IQSEC1: variants seen among roughly 807,000 people sequenced by gnomAD.
The protein encoded by IQSEC1 is IQ motif and SEC7 domain-containing protein 1.
A neutral mutation model predicts 91.0 loss-of-function variants in IQSEC1; 31 were observed. The ratio of observed to expected loss-of-function variants is 0.34; its 90% confidence interval spans 0.26 to 0.46. IQSEC1 has a LOEUF of 0.46. IQSEC1 is among the 20% of genes least tolerant of loss of function. IQSEC1 has a pLI of 1.00. For missense variants in IQSEC1, 1,388 were observed against 1,575.6 expected (o/e 0.88, Z 2.02); for synonymous variants, 699 against 662.6 (o/e 1.05, Z -0.84).
chr3:12,936,042 G>A lies in IQSEC1; in HGVS notation c.974C>T (p.Ala325Val), dbSNP rs1203770698. Residue 325 changes from alanine to valine, a missense_variant, in exon 3 of 14, where the codon GCA (alanine) becomes GTA (valine). Coordinates refer to ENST00000613206, the MANE Select transcript of IQSEC1 (RefSeq NM_001134382.3). ...GGCCAGGGCCCAGTAGTCTGGGGCT[G>A]CGCCCCCAGCCCGTAGCCGCAGGTC... ...ESDLRLRAGG[A>V]APDYWALAHK... 6.2e-7 allele frequency: 1 copy of A among 1,603,602 alleles called. No homozygotes were observed. The highest frequency in any genetic ancestry group is 1.1e-5 in the South Asian group (1 of 91,066).
Position 12,936,061 on chromosome 3 carries a change from G to C in IQSEC1, c.955C>G (p.Arg319Gly). ...GGGGCTGCGCCCCCAGCCCGTAGCC[G>C]CAGGTCCGACTCGGTGCTGGACGGC... The part of the protein sequence containing the change: ...DRPSSTESDL[R>G]LRAGGAAPDY... The change falls in exon 3 of 14, where the codon CGG (arginine) becomes GGG (glycine). Residue 319 changes from arginine to glycine, a missense_variant. Arg to Gly is a moderately radical substitution (Grantham distance 125). This residue lies in a region of IQSEC1 where 1,059 missense variants were observed against 1,317.8 expected (regional missense o/e 0.80). Coordinates refer to ENST00000613206, the MANE Select transcript of IQSEC1 (RefSeq NM_001134382.3). 1 of 1,606,846 alleles carries C rather than the reference G, an allele frequency of 6.2e-7. No individual in the cohort carries two copies. Among genetic ancestry groups the C allele is most frequent in the South Asian group, 1.1e-5 (1 of 91,064 alleles).
chr3:12,989,483 A>C (rs1454262027), intron 1 of IQSEC1, among the ~76,000 whole-genome samples: 2 of 152,212 alleles, frequency 1.3e-5, no homozygotes, highest in African/African-American at 2.4e-5. Flanking sequence ...AAAGAGGAGA[A>C]AACAGGGAGG....
At chr3:13,204,766 T>C (rs1323616330) in intron 1 of IQSEC1, among the ~76,000 whole-genome samples, 1 of 151,740 alleles carries the variant, frequency 6.6e-6, no homozygotes, top group Non-Finnish European at 1.5e-5. Flanking sequence ...TCCTTCCTTC[T>C]TTCTTTTTCT....
intron 2 of IQSEC1, among the ~76,000 whole-genome samples, chr3:13,102,781 A>C (rs1706086273): frequency 6.6e-6 from 1 of 151,894 alleles, no homozygotes; most frequent in Non-Finnish European, 1.5e-5. Flanking sequence ...CTTGCTTGCC[A>C]CTAAAATGTA....
chr3:12,997,362 G>A (rs879037560), intron 1 of IQSEC1, among the ~76,000 whole-genome samples: 11 of 152,176 alleles, frequency 7.2e-5, no homozygotes, highest in African/African-American at 2.7e-4. Context: ...TATGTGAGGC[G>A]CTTTTACTTT....
chr3:13,152,444 T>C (rs181168711), intron 2 of IQSEC1, among the ~76,000 whole-genome samples: 143 of 152,352 alleles, frequency 9.4e-4, no homozygotes, highest in African/African-American at 3.3e-3. Context: ...ACCATGGAGC[T>C]CTCTGAGACA....
intron 1 of IQSEC1, among the ~76,000 whole-genome samples, chr3:13,241,407 T>C (rs897168171): frequency 1.4e-4 from 21 of 152,144 alleles, no homozygotes; most frequent in Non-Finnish European, 2.9e-4. Flanking sequence ...CAATTTTCCT[T>C]CTCCATTTTC....
At chr3:13,245,214 A>T (rs1336729396) in intron 1 of IQSEC1, among the ~76,000 whole-genome samples, 1 of 152,184 alleles carries the variant, frequency 6.6e-6, no homozygotes, top group African/African-American at 2.4e-5. Context: ...CCATGAAGCC[A>T]CGAAGCCACG....
intron 1 of IQSEC1, among the ~76,000 whole-genome samples, chr3:13,249,531 T>C (rs930864118): frequency 1.3e-5 from 2 of 152,196 alleles, no homozygotes; most frequent in Admixed American, 6.5e-5. Flanking sequence ...ATTCTATTTC[T>C]ATCCCTCAGT....
intron 1 of IQSEC1, among the ~76,000 whole-genome samples, chr3:13,257,428 G>C (rs1022099218): frequency 6.6e-6 from 1 of 152,164 alleles, no homozygotes. Context: ...ACCTCGCTAG[G>C]CTCCCTCACA....
intron 2 of IQSEC1, among the ~76,000 whole-genome samples, chr3:13,159,184 C>G (rs1372404135): frequency 6.6e-6 from 1 of 152,126 alleles, no homozygotes; most frequent in Admixed American, 6.6e-5. Context: ...AATCCCAACA[C>G]TTTGGGAGGT....
chr3:13,044,088 G>A (rs1340936924), intron 1 of IQSEC1, among the ~76,000 whole-genome samples: 2 of 152,196 alleles, frequency 1.3e-5, no homozygotes, highest in Admixed American at 6.5e-5. Context: ...CTGGGAACCA[G>A]AGGCCTGATC....
At chr3:12,993,900 C>T (rs916683949) in intron 1 of IQSEC1, among the ~76,000 whole-genome samples, 2 of 152,116 alleles carry the variant, frequency 1.3e-5, no homozygotes, top group African/African-American at 4.8e-5. Context: ...CCGCCGCGAT[C>T]CCCGCGCGCC....
intron 1 of IQSEC1, among the ~76,000 whole-genome samples, chr3:13,249,212 C>T (rs1695154853): frequency 6.9e-6 from 1 of 144,122 alleles, no homozygotes; most frequent in African/African-American, 2.6e-5. Context: ...TGCTCTGTCA[C>T]CCAGGCTGGA....
At position 12,935,112 on chromosome 3, in the gene IQSEC1, C is replaced by T. The variant is rs1457513963; in HGVS notation, c.1568+336G>A. Among the ~76,000 whole-genome samples, 2 of 152,202 alleles carry T rather than the reference C, an allele frequency of 1.3e-5. No individual in the cohort carries two copies. Among genetic ancestry groups the T allele is most frequent in the Admixed American group, 6.5e-5 (1 of 15,286 alleles). ...CCCCTAGGCCTGACATCCAAAGTTG[C>T]GCAGGGCATGGCCCAACATACCCCA... On this transcript the variant is annotated intron_variant, in intron 3 of 13. Transcript: ENST00000613206. This position sits in a 1 kb window ranked among gnomAD's most constrained non-coding sequence, Gnocchi z 8.0.
At chr3:12,918,368 G>A (rs1334999004) in intron 6 of IQSEC1, among the ~76,000 whole-genome samples, 2 of 152,216 alleles carry the variant, frequency 1.3e-5, no homozygotes, top group Non-Finnish European at 1.5e-5. Flanking sequence ...AGGACCCACA[G>A]AGCCACTGCC....
chr3:13,162,811 G>T lies in IQSEC1; in HGVS notation c.302+1293C>A, dbSNP rs1471427807. 3.3e-5 allele frequency among the ~76,000 whole-genome samples: 5 copies of T among 152,238 alleles called. 1 individual carries two copies. The South Asian group carries it at 8.3e-4, about 25-fold the overall frequency. ...CTGTGTTCCAGGGTGGAGCCATGTGGCGGTGCACACCTCAGGCTGCAAGGG... is the reference window on the plus strand; with the variant it reads ...CTGTGTTCCAGGGTGGAGCCATGTGTCGGTGCACACCTCAGGCTGCAAGGG... On this transcript the variant is annotated intron_variant, in intron 2 of 15. Coordinates refer to the IQSEC1 transcript ENST00000648114.
At chr3:13,096,176 CTCAT>C (rs1321590537) in intron 2 of IQSEC1, among the ~76,000 whole-genome samples, 1 of 152,170 alleles carries the variant, frequency 6.6e-6, no homozygotes, top group African/African-American at 2.4e-5. Context: ...TCTTTTTCTT[CTCAT>C]TCATTCAGAC....
At chr3:13,153,909 T>A (rs1363463851) in intron 2 of IQSEC1, among the ~76,000 whole-genome samples, 4 of 151,574 alleles carry the variant, frequency 2.6e-5, no homozygotes, top group African/African-American at 9.7e-5. Flanking sequence ...GAGATGGAGG[T>A]ATGAGTGTGC....
Sources: gnomAD v4.1 joint callset for allele counts (sites outside exome capture counted in the v4.1 genomes callset) on GRCh38, gnomAD v4.1.1 for gene constraint, gnomAD v4.1.1 regional missense constraint, Gnocchi (gnomAD v3.1) non-coding constraint, MANE v1.5 for transcripts, NCBI Gene and HGNC (gene_info 2026-07-23, HGNC 2026-07-21) for gene names.